The following THSD7B variants were observed in gnomAD, a reference collection of about 807,000 sequenced individuals.
THSD7B encodes thrombospondin type 1 domain containing 7B, also known as thrombospondin type-1 domain-containing protein 7B.
Under a neutral mutation model 213.6 loss-of-function variants are expected in THSD7B, and 138 were observed. The ratio of observed to expected loss-of-function variants is 0.65; its 90% confidence interval spans 0.56 to 0.74. The LOEUF (loss-of-function observed/expected upper bound fraction) is 0.74. Ranked by LOEUF, THSD7B falls within the 30% of genes least tolerant of loss-of-function variation. The pLI is 0.00. For missense variants in THSD7B, 1,931 were observed against 1,991.5 expected (o/e 0.97, Z 0.58); for synonymous variants, 742 against 687.0 (o/e 1.08, Z -1.25).
chr2:137,610,013 C>T (rs746364735), intron 17 of THSD7B, among the ~76,000 whole-genome samples: 4 of 152,036 alleles, frequency 2.6e-5, no homozygotes, highest in Non-Finnish European at 4.4e-5. Context: ...TCTAGATTGT[C>T]GGAGTTGCCA....
chr2:137,486,647 T>C (rs1688452207), intron 15 of THSD7B, among the ~76,000 whole-genome samples: 1 of 151,498 alleles, frequency 6.6e-6, no homozygotes, highest in African/African-American at 2.4e-5. Context: ...GCGGACCTAA[T>C]AGACATCTAC....
chr2:137,229,577 C>T (rs1681592530), intron 7 of THSD7B, among the ~76,000 whole-genome samples: 1 of 152,200 alleles, frequency 6.6e-6, no homozygotes, highest in Non-Finnish European at 1.5e-5. Context: ...TCTTCTCCTT[C>T]AGGCAGTCTT....
intron 15 of THSD7B, among the ~76,000 whole-genome samples, chr2:137,502,013 T>C (rs1176222521): frequency 6.6e-6 from 1 of 152,208 alleles, no homozygotes; most frequent in Non-Finnish European, 1.5e-5. Flanking sequence ...TGTTGATTTG[T>C]CTGCTTTCAG....
chr2:136,826,626 A>G (rs1028293519), intron 1 of THSD7B, among the ~76,000 whole-genome samples: 2 of 152,176 alleles, frequency 1.3e-5, no homozygotes, highest in Non-Finnish European at 2.9e-5. Flanking sequence ...GCAAGAGCTA[A>G]AGTTAGATTC....
chr2:136,985,625 A>C (rs1339323354), intron 2 of THSD7B, among the ~76,000 whole-genome samples: 1 of 152,214 alleles, frequency 6.6e-6, no homozygotes, highest in South Asian at 2.1e-4. Context: ...ACCCTCATAG[A>C]GAACTTCTAC....
chr2:136,838,487 C>G (rs1292835401), intron 1 of THSD7B, among the ~76,000 whole-genome samples: 1 of 152,192 alleles, frequency 6.6e-6, no homozygotes, highest in Non-Finnish European at 1.5e-5. Flanking sequence ...AAGCCTCACT[C>G]TACTGGGTAC....
intron 15 of THSD7B, among the ~76,000 whole-genome samples, chr2:137,556,970 T>C (rs1175807027): frequency 6.6e-6 from 1 of 152,056 alleles, no homozygotes; most frequent in Non-Finnish European, 1.5e-5. Flanking sequence ...GGTAAAGGGA[T>C]CAATTCAACA....
At chr2:137,183,957 C>T (rs926808451) in intron 7 of THSD7B, among the ~76,000 whole-genome samples, 1 of 152,030 alleles carries the variant, frequency 6.6e-6, no homozygotes, top group Non-Finnish European at 1.5e-5. Context: ...GATAATGGAA[C>T]CTTCTGTTTA....
intron 17 of THSD7B, among the ~76,000 whole-genome samples, chr2:137,590,701 T>G (rs986994702): frequency 6.6e-6 from 1 of 152,072 alleles, no homozygotes; most frequent in African/African-American, 2.4e-5. Flanking sequence ...GATTTATAAT[T>G]TCCTTTTTAT....
intron 17 of THSD7B, among the ~76,000 whole-genome samples, chr2:137,608,363 CTTT>C (rs200191662): frequency 2.1e-5 from 3 of 143,036 alleles, no homozygotes; most frequent in Admixed American, 1.4e-4. Context: ...CTCTGTGGTG[CTTT>C]TTTTTTTTTT....
At chr2:137,245,165 GT>G (rs528580401) in intron 10 of THSD7B, among the ~76,000 whole-genome samples, 15 of 151,916 alleles carry the variant, frequency 9.9e-5, no homozygotes, top group Admixed American at 9.2e-4. Flanking sequence ...AATGTATCTT[GT>G]TTTTTTTCCC....
chr2:137,038,224 G>A lies in THSD7B; in HGVS notation c.140-18196G>A, dbSNP rs182509964. On this transcript the variant is annotated intron_variant, in intron 2 of 27. Coordinates refer to ENST00000409968, the MANE Select transcript of THSD7B (RefSeq NM_001316349.2). Reference sequence around the variant, plus strand: ...TTTCATGGTTTTTGACGTTCTAGGAGTGGAAAGAGACTGAAATATTTGACG... The same window carrying A: ...TTTCATGGTTTTTGACGTTCTAGGAATGGAAAGAGACTGAAATATTTGACG... 4.1e-3 allele frequency among the ~76,000 whole-genome samples: 630 copies of A among 152,286 alleles called. 2 individuals carry two copies. Among genetic ancestry groups the A allele is most frequent in the South Asian group, 0.016 (76 of 4,824 alleles).
chr2:136,978,859 A>C (rs1469731482), intron 2 of THSD7B, among the ~76,000 whole-genome samples: 1 of 149,884 alleles, frequency 6.7e-6, no homozygotes, highest in African/African-American at 2.4e-5. Flanking sequence ...CAGACTTGTT[A>C]ATGTAGCTGC....
At chr2:137,413,465 T>C (rs1686717453) in intron 14 of THSD7B, among the ~76,000 whole-genome samples, 1 of 152,206 alleles carries the variant, frequency 6.6e-6, no homozygotes, top group South Asian at 2.1e-4. Context: ...TGATTAGCTC[T>C]GAGGATGCTG....
At chr2:137,168,927 A>G (rs1305098537) in intron 6 of THSD7B, among the ~76,000 whole-genome samples, 1 of 152,168 alleles carries the variant, frequency 6.6e-6, no homozygotes, top group Non-Finnish European at 1.5e-5. Flanking sequence ...AAGGTGGCTT[A>G]GGAAGCAATA....
chr2:137,117,279 C>T (rs962283413), intron 5 of THSD7B, among the ~76,000 whole-genome samples: 1 of 152,126 alleles, frequency 6.6e-6, no homozygotes, highest in Non-Finnish European at 1.5e-5. Context: ...CTTGACAAAT[C>T]TGGAATGAGA....
chr2:137,190,435 A>T lies in THSD7B; in HGVS notation c.1723+19497A>T, dbSNP rs370779894. Among the ~76,000 whole-genome samples the T allele has an allele frequency of 2.0e-4, 31 of 152,164 alleles. No homozygotes were observed. In the East Asian group the frequency reaches 5.2e-3, roughly 26 times the overall value. ...AATTGGCATCATAACATCTGCTCCG[A>T]GGTGTCTCTGAGGAGGGTTGGGAGC... On this transcript the variant is annotated intron_variant, in intron 7 of 27. Coordinates refer to ENST00000409968, the MANE Select transcript of THSD7B (RefSeq NM_001316349.2).
intron 3 of THSD7B, among the ~76,000 whole-genome samples, chr2:137,087,928 A>AT (rs1312007263): frequency 2.2e-4 from 33 of 152,148 alleles, no homozygotes; most frequent in Admixed American, 2.2e-3. Context: ...TCACCAAAAC[A>AT]GCATGGTACT....
chr2:136,775,676 A>G (rs997512938), intron 1 of THSD7B, among the ~76,000 whole-genome samples: 6 of 152,144 alleles, frequency 3.9e-5, no homozygotes, highest in East Asian at 1.9e-4. Flanking sequence ...CTTGAAGAAT[A>G]TAGTGTTAAG....
Sources: allele counts gnomAD v4.1 joint callset (sites outside exome capture counted in the v4.1 genomes callset), GRCh38; gene constraint gnomAD v4.1.1; transcripts MANE v1.5; gene names NCBI Gene and HGNC (gene_info 2026-07-23, HGNC 2026-07-21).